The following CEMIP variants were observed in gnomAD, a reference collection of about 807,000 sequenced individuals.
CEMIP encodes cell migration-inducing and hyaluronan-binding protein.
In CEMIP, 105 loss-of-function variants were observed where a neutral mutation model predicts 156.9. That is an observed-to-expected ratio of 0.67 (90% CI 0.57 to 0.79). The LOEUF (loss-of-function observed/expected upper bound fraction) is 0.79. CEMIP is among the 30% of genes least tolerant of loss of function. The pLI is 0.00. For missense variants in CEMIP, 1,457 were observed against 1,769.4 expected (o/e 0.82, Z 3.17); for synonymous variants, 676 against 668.4 (o/e 1.01, Z -0.17).
intron 1 of CEMIP, among the ~76,000 whole-genome samples, chr15:80,871,616 A>G (rs1195270118): frequency 6.6e-6 from 1 of 151,976 alleles, no homozygotes. Context: ...GCCACCTCCA[A>G]CCTTGCTGTC....
At chr15:80,850,568 G>A (rs987340373) in intron 1 of CEMIP, among the ~76,000 whole-genome samples, 19 of 152,304 alleles carry the variant, frequency 1.2e-4, no homozygotes, top group Non-Finnish European at 2.5e-4. Context: ...GAGGCATCAC[G>A]CCCAGCCATC....
At chr15:80,826,314 C>T (rs1897036759) in intron 1 of CEMIP, among the ~76,000 whole-genome samples, 1 of 152,172 alleles carries the variant, frequency 6.6e-6, no homozygotes, top group Admixed American at 6.5e-5. Flanking sequence ...TCTCATTTCC[C>T]CTGCCGCCTT....
intron 1 of CEMIP, among the ~76,000 whole-genome samples, chr15:80,780,344 A>G (rs1895758478): frequency 6.6e-6 from 1 of 152,236 alleles, no homozygotes; most frequent in South Asian, 2.1e-4. Flanking sequence ...GAGGAAAGGC[A>G]GAGAGTCCTG....
chr15:80,884,072 C>A, intron 6 of CEMIP, 103 bp from the exon 7 acceptor site: 1 of 1,126,816 alleles, frequency 8.9e-7, no homozygotes, highest in Non-Finnish European at 1.4e-6. Context: ...GCCCTGGGAT[C>A]ATCGGATAGC....
intron 21 of CEMIP, among the ~76,000 whole-genome samples, chr15:80,930,949 G>A (rs1351457623): frequency 2.0e-5 from 3 of 152,200 alleles, no homozygotes; most frequent in Non-Finnish European, 4.4e-5. Flanking sequence ...CTGGGGCCAG[G>A]CCCAAGAAGG....
intron 13 of CEMIP, among the ~76,000 whole-genome samples, chr15:80,907,090 G>A (rs1329614363): frequency 6.0e-5 from 9 of 150,790 alleles, no homozygotes; most frequent in Admixed American, 2.0e-4. Flanking sequence ...TCTCGGCCAC[G>A]TGGTACACAT....
intron 10 of CEMIP, among the ~76,000 whole-genome samples, chr15:80,893,910 G>C (rs781479246): frequency 9.3e-5 from 14 of 150,702 alleles, no homozygotes; most frequent in Admixed American, 1.3e-4. Flanking sequence ...CTATGCCAAA[G>C]ATGACAGCAG....
At chr15:80,924,915 T>C (rs1329512218) in intron 18 of CEMIP, among the ~76,000 whole-genome samples, 1 of 152,150 alleles carries the variant, frequency 6.6e-6, no homozygotes, top group Non-Finnish European at 1.5e-5. Context: ...CAAAGGAAGA[T>C]AGAAATTCCC....
intron 1 of CEMIP, among the ~76,000 whole-genome samples, chr15:80,787,890 A>G (rs1192372650): frequency 6.6e-6 from 1 of 152,178 alleles, no homozygotes; most frequent in Non-Finnish European, 1.5e-5. Flanking sequence ...AGAGTTACAG[A>G]GATGGTATAG....
chr15:80,806,358 A>G (rs1896514032), intron 1 of CEMIP, among the ~76,000 whole-genome samples: 1 of 152,202 alleles, frequency 6.6e-6, no homozygotes, highest in African/African-American at 2.4e-5. Context: ...TGTATGACAG[A>G]GCCCTTGAGA....
Position 80,865,273 on chromosome 15 carries a change from C to T in CEMIP, c.-175-8265C>T, listed in dbSNP as rs1898094315. On this transcript the variant is annotated intron_variant, in intron 1 of 29. Coordinates refer to ENST00000394685, the MANE Select transcript of CEMIP (RefSeq NM_001293298.2). ...CTTGGCTCACTATAACCTTTGCCTCCCGGGTTCAAGCGATTTTCCTGCCTC... is the reference window on the plus strand; with the variant it reads ...CTTGGCTCACTATAACCTTTGCCTCTCGGGTTCAAGCGATTTTCCTGCCTC... Among the ~76,000 whole-genome samples, 6 of 152,116 alleles carry T rather than the reference C, an allele frequency of 3.9e-5. No homozygotes were observed. The South Asian group carries it at 1.2e-3, about 32-fold the overall frequency.
At chr15:80,881,788 T>C (rs998270211) in intron 6 of CEMIP, among the ~76,000 whole-genome samples, 5 of 152,108 alleles carry the variant, frequency 3.3e-5, no homozygotes, top group African/African-American at 1.2e-4. Context: ...AGAGAATGGT[T>C]TTAATTGTGA....
In CEMIP at chr15:80,866,099, G is replaced by A. The variant is rs115225071; in HGVS notation, c.-175-7439G>A. Among the ~76,000 whole-genome samples the A allele has an allele frequency of 8.8e-3, 1,344 of 152,262 alleles. 21 individuals are homozygous for A. The highest frequency in any genetic ancestry group is 0.029 in the African/African-American group (1,218 of 41,534). On this transcript the variant is annotated intron_variant, in intron 1 of 29. Coordinates refer to ENST00000394685, the MANE Select transcript of CEMIP (RefSeq NM_001293298.2). Reference sequence around the variant, plus strand: ...AACCATCCCTCCCCTACAGCTGATTGGTGGGGTGAGGAGGGATTTGGACTT... The same window carrying A: ...AACCATCCCTCCCCTACAGCTGATTAGTGGGGTGAGGAGGGATTTGGACTT...
chr15:80,813,452 C>T (rs1264357740), intron 1 of CEMIP, among the ~76,000 whole-genome samples: 3 of 149,884 alleles, frequency 2.0e-5, no homozygotes, highest in East Asian at 2.0e-4. Flanking sequence ...TGGGTTCAAG[C>T]GATTCTCCTG....
intron 1 of CEMIP, among the ~76,000 whole-genome samples, chr15:80,836,433 C>T (rs1897271563): frequency 6.6e-6 from 1 of 152,226 alleles, no homozygotes; most frequent in African/African-American, 2.4e-5. Flanking sequence ...GGTTTTCGTC[C>T]ACTTGTACCA....
intron 26 of CEMIP, 90 bp from the exon 27 acceptor site, chr15:80,942,161 T>C (rs1405957158): frequency 1.3e-6 from 2 of 1,493,738 alleles, no homozygotes; most frequent in African/African-American, 1.4e-5. Flanking sequence ...CTCAGCTCCA[T>C]AAACCATTTC....
intron 5 of CEMIP, among the ~76,000 whole-genome samples, chr15:80,880,533 T>G (rs1331491649): frequency 6.6e-6 from 1 of 152,182 alleles, no homozygotes; most frequent in Admixed American, 6.5e-5. Flanking sequence ...GCCTCCTGGT[T>G]TAAGCAATTC....
chr15:80,784,328 T>C (rs1003622011), intron 1 of CEMIP, among the ~76,000 whole-genome samples: 6 of 152,188 alleles, frequency 3.9e-5, no homozygotes, highest in Non-Finnish European at 7.3e-5. Context: ...AAGGTGTCCA[T>C]GCCAGATTGC....
At chr15:80,829,990 G>GTGTGTGTGTGTGTGTGTGTGTGTGTGTT (rs112056985) in intron 1 of CEMIP, among the ~76,000 whole-genome samples, 11 of 149,284 alleles carry the variant, frequency 7.4e-5, no homozygotes, top group African/African-American at 2.0e-4. Context: ...GTGTGTGTGT[G>GTGTGTGTGTGTGTGTGTGTGTGTGTGTT]TGTGTGTGTG....
Sources: allele counts gnomAD v4.1 joint callset (sites outside exome capture counted in the v4.1 genomes callset), GRCh38; gene constraint gnomAD v4.1.1; transcripts MANE v1.5; gene names NCBI Gene and HGNC (gene_info 2026-07-23, HGNC 2026-07-21).